IGBP1C: variants seen among roughly 807,000 people sequenced by gnomAD.
IGBP1C encodes the protein immunoglobulin-binding protein 1 family member C.
At chr17:58,666,633 G>A in the IGBP1C span, 1 of 152,118 alleles carries the variant, frequency 6.6e-6, no homozygotes, top group South Asian at 2.1e-4. Flanking sequence ...AAAGTGCAAC[G>A]AATAAGCCAC....
the IGBP1C span, among the ~76,000 whole-genome samples, chr17:58,678,353 C>T: frequency 6.6e-6 from 1 of 152,080 alleles, no homozygotes; most frequent in African/African-American, 2.4e-5. Context: ...ATAAATCATG[C>T]TACTATAAAG....
At chr17:58,688,671 G>A in the IGBP1C span, among the ~76,000 whole-genome samples, 2 of 152,106 alleles carry the variant, frequency 1.3e-5, no homozygotes, top group African/African-American at 4.8e-5. Context: ...AGGTCACATA[G>A]TTGGTAACTT....
At chr17:58,678,501 A>G in the IGBP1C span, among the ~76,000 whole-genome samples, 169 of 152,284 alleles carry the variant, frequency 1.1e-3, no homozygotes, top group Non-Finnish European at 2.0e-3. Context: ...AGCCATAAAA[A>G]AGGATGAGTT....
the IGBP1C span, among the ~76,000 whole-genome samples, chr17:58,682,362 G>T: frequency 3.3e-5 from 5 of 151,478 alleles, no homozygotes; most frequent in African/African-American, 1.2e-4. Flanking sequence ...GGTTCAAGCG[G>T]TTCTCCTGCC....
chr17:58,684,837 G>A, the IGBP1C span, among the ~76,000 whole-genome samples: 4 of 151,810 alleles, frequency 2.6e-5, no homozygotes, highest in African/African-American at 4.8e-5. Flanking sequence ...TTAGCTGGGC[G>A]TGGTGTCTCA....
chr17:58,680,304 T>C, the IGBP1C span, among the ~76,000 whole-genome samples: 2 of 152,188 alleles, frequency 1.3e-5, no homozygotes, highest in Non-Finnish European at 2.9e-5. Context: ...GAAAATCCAG[T>C]CTACATATCT....
the IGBP1C span, chr17:58,661,676 A>G: frequency 3.3e-6 from 2 of 611,000 alleles, no homozygotes; most frequent in Non-Finnish European, 5.8e-6. Flanking sequence ...GATTTCTAAC[A>G]ACCAGTCTGA....
chr17:58,669,717 G>A, the IGBP1C span, among the ~76,000 whole-genome samples: 1 of 120,054 alleles, frequency 8.3e-6, no homozygotes, highest in Non-Finnish European at 1.6e-5. Context: ...CTGGGCAACA[G>A]AGAGAGACTC....
At chr17:58,678,131 C>CA in the IGBP1C span, among the ~76,000 whole-genome samples, 2 of 152,134 alleles carry the variant, frequency 1.3e-5, no homozygotes, top group South Asian at 4.2e-4. Context: ...GCCTGGGCGA[C>CA]AGAGCGAGAC....
chr17:58,664,050 C>CA, the IGBP1C span, among the ~76,000 whole-genome samples: 59 of 152,096 alleles, frequency 3.9e-4, no homozygotes, highest in African/African-American at 1.2e-3. Context: ...CCAGCAACAA[C>CA]AAAAAAACAA....
chr17:58,684,394 G>A, the IGBP1C span, among the ~76,000 whole-genome samples: 4 of 151,650 alleles, frequency 2.6e-5, no homozygotes, highest in Admixed American at 6.6e-5. Context: ...CACGGGAGGC[G>A]GAGGTTGGAG....
chr17:58,661,748 G>C, the IGBP1C span: 2,791 of 560,734 alleles, frequency 5.0e-3, 13 homozygotes, highest in African/African-American at 9.0e-3. Context: ...CATAGGGGAA[G>C]GCAACGGAGT....
chr17:58,660,637 C>T, the IGBP1C span: 1 of 789,528 alleles, frequency 1.3e-6, no homozygotes, highest in East Asian at 2.4e-5. Context: ...AGTCATCCCA[C>T]TCTCGAGCTC....
At chr17:58,666,309 C>T in the IGBP1C span, among the ~76,000 whole-genome samples, 1 of 151,982 alleles carries the variant, frequency 6.6e-6, no homozygotes, top group Admixed American at 6.6e-5. Flanking sequence ...GATTGCTCCA[C>T]TGCACTCCAG....
the IGBP1C span, chr17:58,661,081 CT>C: frequency 9.5e-7 from 1 of 1,050,086 alleles, no homozygotes; most frequent in Non-Finnish European, 1.5e-6. Context: ...TTGTAGACAA[CT>C]TATGCTCCAA....
chr17:58,663,434 A>G, the IGBP1C span, among the ~76,000 whole-genome samples: 1 of 151,942 alleles, frequency 6.6e-6, no homozygotes, highest in Non-Finnish European at 1.5e-5. Context: ...AAAAAAAAAA[A>G]AAAAAAGTCA....
the IGBP1C span, among the ~76,000 whole-genome samples, chr17:58,674,727 A>G: frequency 6.6e-6 from 1 of 151,878 alleles, no homozygotes; most frequent in Non-Finnish European, 1.5e-5. Context: ...CTGACCTCCA[A>G]TTAGGGAATG....
chr17:58,661,660 G>A, the IGBP1C span: 2 of 628,066 alleles, frequency 3.2e-6, no homozygotes, highest in African/African-American at 3.7e-5. Context: ...TAAAGATTCT[G>A]GCGTAGATTT....
the IGBP1C span, among the ~76,000 whole-genome samples, chr17:58,679,028 C>G: frequency 6.6e-6 from 1 of 151,790 alleles, no homozygotes; most frequent in Non-Finnish European, 1.5e-5. Flanking sequence ...GTGGCGTGTG[C>G]CTGTAATCCC....
Sources: gnomAD v4.1 joint callset for allele counts (sites outside exome capture counted in the v4.1 genomes callset) on GRCh38, gnomAD v4.1.1 for gene constraint, MANE v1.5 for transcripts, NCBI Gene and HGNC (gene_info 2026-07-23, HGNC 2026-07-21) for gene names.